Variants in PRSS23 observed in about 807,000 individuals in gnomAD.
The protein encoded by PRSS23 is serine protease 23, also known as protease, serine 23.
Under a neutral mutation model 34.7 loss-of-function variants are expected in PRSS23, and 25 were observed. The ratio of observed to expected loss-of-function variants is 0.72; its 90% CI spans 0.53 to 1.01. The LOEUF is 1.01. PRSS23 is among the 50% of genes least tolerant of loss of function. The pLI, the probability that PRSS23 is intolerant of heterozygous loss-of-function variation, is 0.00. For missense variants in PRSS23, 445 were observed against 475.6 expected, an observed-to-expected ratio of 0.94 and a Z score of 0.60; for synonymous variants, 176 against 186.6, an observed-to-expected ratio of 0.94 and a Z score of 0.46.
At chr11:86,880,381 C>T (rs1948764711) in intron 2 of PRSS23, among the ~76,000 whole-genome samples, 1 of 151,760 alleles carries the variant, frequency 6.6e-6, no homozygotes, top group African/African-American at 2.4e-5. Context: ...GACCCTCCCT[C>T]CACTATTGTC....
intron 2 of PRSS23, among the ~76,000 whole-genome samples, chr11:86,907,695 AG>A: frequency 1.3e-5 from 2 of 152,164 alleles, no homozygotes; most frequent in African/African-American, 4.8e-5. Flanking sequence ...CTTGGGCTGA[AG>A]TGATCCGCCT....
intron 2 of PRSS23, among the ~76,000 whole-genome samples, chr11:86,852,027 A>G (rs976562397): frequency 6.6e-6 from 1 of 152,104 alleles, no homozygotes; most frequent in Non-Finnish European, 1.5e-5. Context: ...CCATCTGCCC[A>G]CTGCACTCTC....
At chr11:86,804,880 C>T (rs1173961509) in intron 1 of PRSS23, among the ~76,000 whole-genome samples, 1 of 152,168 alleles carries the variant, frequency 6.6e-6, no homozygotes, top group Non-Finnish European at 1.5e-5. Flanking sequence ...AAAATATTAT[C>T]TGTAGCTGAT....
rs1948135020 is a variant in PRSS23, at chr11:86,808,455, A to G, written c.812A>G (p.Gln271Arg). 6.2e-7 allele frequency: 1 copy of G among 1,614,120 alleles called. No individual in the cohort carries two copies. Among genetic ancestry groups the G allele is most frequent in the African/African-American group, 1.3e-5 (1 of 74,948 alleles). The change falls in exon 2 of 2, where the codon CAG becomes CGG. Residue 271 changes from glutamine to arginine, a missense_variant. Transcript: ENST00000280258. ...MKIGVSPPAK[Q>R]LPGGRIHFSG... is the part of the protein sequence containing the mutation. ...ATTGGGGTGAGCCCTCCTGCTAAGC[A>G]GCTGCCAGGGGGCAGAATTCACTTC...
chr11:86,845,807 C>T (rs1403285586), intron 2 of PRSS23, among the ~76,000 whole-genome samples: 1 of 152,178 alleles, frequency 6.6e-6, no homozygotes, highest in East Asian at 1.9e-4. Flanking sequence ...GTTAACTGCT[C>T]ATTTTTCTGT....
At chr11:86,834,186 G>T (rs1204841239) in intron 2 of PRSS23, among the ~76,000 whole-genome samples, 1 of 152,206 alleles carries the variant, frequency 6.6e-6, no homozygotes, top group Admixed American at 6.5e-5. Context: ...GTTTTGAAGA[G>T]GCCTGGTCCA....
chr11:86,879,513 C>G (rs1412108027), intron 2 of PRSS23, among the ~76,000 whole-genome samples: 3 of 124,402 alleles, frequency 2.4e-5, no homozygotes, highest in Non-Finnish European at 3.6e-5. Flanking sequence ...GATCAGCCCC[C>G]CACCCGGCCA....
intron 2 of PRSS23, among the ~76,000 whole-genome samples, chr11:86,866,911 C>T (rs1948653187): frequency 6.6e-6 from 1 of 152,216 alleles, no homozygotes; most frequent in Admixed American, 6.5e-5. Context: ...GGGGCCTTCG[C>T]CAGGTGCAAA....
chr11:86,807,219 A>G (rs541148662), intron 1 of PRSS23, among the ~76,000 whole-genome samples: 4 of 152,060 alleles, frequency 2.6e-5, no homozygotes, highest in Non-Finnish European at 5.9e-5. Flanking sequence ...AGAATGAGAG[A>G]AGGAGGAGGG....
chr11:86,824,786 A>G (rs746855396), intron 2 of PRSS23, among the ~76,000 whole-genome samples: 7 of 151,848 alleles, frequency 4.6e-5, no homozygotes, highest in Non-Finnish European at 1.0e-4. Context: ...AATTTTATCC[A>G]TGTCCCTACA....
At chr11:86,923,047 T>C (rs1949056712) in intron 2 of PRSS23, among the ~76,000 whole-genome samples, 1 of 152,154 alleles carries the variant, frequency 6.6e-6, no homozygotes. Flanking sequence ...AATTTTTATA[T>C]CCATTACATG....
intron 2 of PRSS23, among the ~76,000 whole-genome samples, chr11:86,913,457 G>A (rs72961458): frequency 6.7e-6 from 1 of 150,316 alleles, no homozygotes; most frequent in East Asian, 1.9e-4. Flanking sequence ...GGTCTTATAG[G>A]AACTATTCTG....
intron 2 of PRSS23, among the ~76,000 whole-genome samples, chr11:86,842,452 G>T (rs1013717633): frequency 2.6e-5 from 4 of 152,142 alleles, no homozygotes; most frequent in African/African-American, 9.7e-5. Context: ...GCAAGAGAAA[G>T]AAATAAAGGG....
chr11:86,925,486 A>T (rs1949075382), intron 2 of PRSS23, among the ~76,000 whole-genome samples: 1 of 152,170 alleles, frequency 6.6e-6, no homozygotes, highest in Admixed American at 6.5e-5. Context: ...TTAAGTTTTA[A>T]ATTTGATTCT....
intron 2 of PRSS23, among the ~76,000 whole-genome samples, chr11:86,832,356 G>T (rs1296406061): frequency 6.6e-6 from 1 of 151,832 alleles, no homozygotes; most frequent in Non-Finnish European, 1.5e-5. Flanking sequence ...TATCACAGTG[G>T]GTGTACTCCA....
chr11:86,895,938 G>C (rs972471778), intron 2 of PRSS23, among the ~76,000 whole-genome samples: 15 of 152,178 alleles, frequency 9.9e-5, no homozygotes, highest in Admixed American at 7.2e-4. Context: ...AAATTATCAG[G>C]AAGTATATAA....
chr11:86,903,339 G>T (rs1011022610), intron 2 of PRSS23, among the ~76,000 whole-genome samples: 4 of 152,102 alleles, frequency 2.6e-5, no homozygotes, highest in Non-Finnish European at 5.9e-5. Context: ...CAAGGTCACT[G>T]CAATCATGCA....
intron 2 of PRSS23, among the ~76,000 whole-genome samples, chr11:86,898,604 TC>T (rs1264589356): frequency 6.6e-6 from 1 of 152,214 alleles, no homozygotes; most frequent in African/African-American, 2.4e-5. Flanking sequence ...CTGCTGTTGT[TC>T]CTTCATGGGT....
At chr11:86,900,778 T>TCA (rs1948906242) in intron 2 of PRSS23, among the ~76,000 whole-genome samples, 1 of 74,832 alleles carries the variant, frequency 1.3e-5, no homozygotes, top group Non-Finnish European at 2.5e-5. Flanking sequence ...ATTATCTCTC[T>TCA]CTCTTTTTTT....
Sources: gnomAD v4.1 joint callset for allele counts (sites outside exome capture counted in the v4.1 genomes callset) on GRCh38, gnomAD v4.1.1 for gene constraint, MANE v1.5 for transcripts, NCBI Gene and HGNC (gene_info 2026-07-23, HGNC 2026-07-21) for gene names.